Variants in MOB3B observed in about 807,000 individuals in gnomAD.
The protein encoded by MOB3B is MOB kinase activator-like 2B.
Under a neutral mutation model 18.7 loss-of-function variants are expected in MOB3B, and 7 were observed. The observed-to-expected ratio is 0.37, with a 90% CI of 0.21 to 0.70. MOB3B has a LOEUF of 0.70. Among genes scored for constraint, MOB3B ranks in the 30% least tolerant of loss-of-function variants. The pLI, the probability that MOB3B is intolerant of heterozygous loss-of-function variation, is 0.52. For missense variants in MOB3B, 253 were observed against 281.3 expected, an observed-to-expected ratio of 0.90 and a Z score of 0.72; for synonymous variants, 111 against 99.9, an observed-to-expected ratio of 1.11 and a Z score of -0.66.
intron 2 of MOB3B, among the ~76,000 whole-genome samples, chr9:27,418,992 T>C (rs1822198637): frequency 6.6e-6 from 1 of 150,726 alleles, no homozygotes; most frequent in Admixed American, 6.6e-5. Flanking sequence ...AATCAGTAGC[T>C]CTTCTATACA....
chr9:27,336,472 A>G (rs1474510815), intron 3 of MOB3B, among the ~76,000 whole-genome samples: 1 of 152,188 alleles, frequency 6.6e-6, no homozygotes, highest in East Asian at 1.9e-4. Flanking sequence ...GAAAAGCAGT[A>G]TGAAGAGATG....
At chr9:27,457,830 C>A (rs1005687838) in intron 1 of MOB3B, among the ~76,000 whole-genome samples, 2 of 152,068 alleles carry the variant, frequency 1.3e-5, no homozygotes, top group Non-Finnish European at 2.9e-5. Flanking sequence ...TGGAATAGCA[C>A]CTGTAAGGAT....
intron 2 of MOB3B, among the ~76,000 whole-genome samples, chr9:27,373,099 T>G (rs1394963670): frequency 6.6e-6 from 1 of 152,260 alleles, no homozygotes; most frequent in East Asian, 1.9e-4. Flanking sequence ...ACGTTTTGAT[T>G]TACGCACTAA....
intron 1 of MOB3B, among the ~76,000 whole-genome samples, chr9:27,499,469 T>C (rs1347688769): frequency 6.6e-6 from 1 of 152,246 alleles, no homozygotes; most frequent in African/African-American, 2.4e-5. Context: ...AAAGGAAATA[T>C]GTCAGGTTAA....
rs543868840 is a variant in MOB3B at position 27,502,854 on chromosome 9, T to C, written c.-199+26701A>G. On this transcript the variant is annotated intron_variant, in intron 1 of 3. Transcript: ENST00000262244. ...CAGGAAAGTAGGCAGGAATCTCTTTTTATCCAGGTTTTAGCCTAAGTGTTA... is the reference window on the plus strand; with the variant it reads ...CAGGAAAGTAGGCAGGAATCTCTTTCTATCCAGGTTTTAGCCTAAGTGTTA... 6.6e-5 allele frequency among the ~76,000 whole-genome samples: 10 copies of C among 152,346 alleles called. No individual in the cohort carries two copies. In the South Asian group the frequency reaches 2.1e-3, roughly 32 times the overall value.
chr9:27,342,369 G>T (rs866376081), intron 3 of MOB3B, among the ~76,000 whole-genome samples: 1 of 152,060 alleles, frequency 6.6e-6, no homozygotes, highest in African/African-American at 2.4e-5. Context: ...GTAGAAAAAC[G>T]CTTCTAAAAC....
chr9:27,492,278 CATT>C (rs1171784372), intron 1 of MOB3B, among the ~76,000 whole-genome samples: 3 of 152,050 alleles, frequency 2.0e-5, no homozygotes, highest in Non-Finnish European at 4.4e-5. Flanking sequence ...GGTTCACACT[CATT>C]ATAATGATCA....
intron 1 of MOB3B, among the ~76,000 whole-genome samples, chr9:27,456,191 G>A (rs1822868081): frequency 6.6e-6 from 1 of 152,158 alleles, no homozygotes; most frequent in South Asian, 2.1e-4. Context: ...ACACCAAGCT[G>A]GCTAATAAGA....
In MOB3B at chr9:27,437,547, G is replaced by A. The variant is rs566883963; in HGVS notation, c.418+17586C>T. Among the ~76,000 whole-genome samples, 25 of 152,076 alleles carry A rather than the reference G, an allele frequency of 1.6e-4. No individual in the cohort carries two copies. The East Asian group carries it at 3.9e-3, about 23-fold the overall frequency. Reference sequence around the variant, plus strand: ...ATTACTGGTCATTGATGAATATGACGAATATAATCTAGCTGATGGACATTA... The same window carrying A: ...ATTACTGGTCATTGATGAATATGACAAATATAATCTAGCTGATGGACATTA... On this transcript the variant is annotated intron_variant, in intron 2 of 3. Coordinates refer to ENST00000262244, the MANE Select transcript of MOB3B (RefSeq NM_024761.5).
At chr9:27,357,729 T>A (rs1821212245) in intron 3 of MOB3B, among the ~76,000 whole-genome samples, 1 of 151,700 alleles carries the variant, frequency 6.6e-6, no homozygotes, top group African/African-American at 2.4e-5. Flanking sequence ...GACAATCATC[T>A]GATCTGTTAG....
intron 2 of MOB3B, among the ~76,000 whole-genome samples, chr9:27,388,079 T>C (rs1429812188): frequency 6.6e-6 from 1 of 152,156 alleles, no homozygotes; most frequent in African/African-American, 2.4e-5. Context: ...CAGCCTCCCA[T>C]AGCAAAGAAT....
rs543151215 is a variant in MOB3B at position 27,528,607 on chromosome 9, C to T, written c.-199+948G>A. Among the ~76,000 whole-genome samples the T allele has an allele frequency of 1.4e-4, 21 of 152,326 alleles. No homozygotes were observed. The East Asian group carries it at 3.9e-3, about 28-fold the overall frequency. On this transcript the variant is annotated intron_variant, in intron 1 of 3. Coordinates refer to ENST00000262244, the MANE Select transcript of MOB3B (RefSeq NM_024761.5). ...CCCCTGCCGGAGCTGGCGTGGGGGC[C>T]GGGGAGGGGGACCAGAGGGGCTTCC...
In MOB3B at chr9:27,416,544, ATTTTTTT is replaced by A. The variant is rs559806304; in HGVS notation, c.418+38582_418+38588del. Among the ~76,000 whole-genome samples the A allele has an allele frequency of 4.5e-3, 549 of 121,414 alleles. 3 individuals carry two copies. Among genetic ancestry groups the A allele is most frequent in the African/African-American group, 7.6e-3 (257 of 33,944 alleles). 79.7% of individuals were successfully genotyped at this position (121,414 alleles called of 152,430 possible). ...GAACCCCTGGAGTAATTTCTTTTTAATTTTTTTTTTTTTTTTTTTTTTTTTTGAGATA... is the reference window on the plus strand; with the variant it reads ...GAACCCCTGGAGTAATTTCTTTTTAATTTTTTTTTTTTTTTTTTTGAGATA... On this transcript the variant is annotated intron_variant, in intron 2 of 3. Coordinates refer to ENST00000262244, the MANE Select transcript of MOB3B (RefSeq NM_024761.5).
chr9:27,330,515 G>A lies in MOB3B; in HGVS notation c.*72C>T, dbSNP rs1820770626. ...GTAGGTGTGTCATTTCAGCCAGGGT[G>A]GTCCACCTCCTGCCCGCTCAGGGCA... On this transcript the variant is annotated 3_prime_UTR_variant, in exon 4 of 4. Transcript: ENST00000262244. 1.2e-6 allele frequency: 2 copies of A among 1,605,674 alleles called. No homozygotes were observed. Among genetic ancestry groups the A allele is most frequent in the African/African-American group, 1.3e-5 (1 of 74,872 alleles).
chr9:27,394,546 T>C (rs1382862904), intron 2 of MOB3B, among the ~76,000 whole-genome samples: 1 of 152,116 alleles, frequency 6.6e-6, no homozygotes, highest in Non-Finnish European at 1.5e-5. Context: ...AGCCATTGGA[T>C]AAACTGTGTC....
intron 2 of MOB3B, among the ~76,000 whole-genome samples, chr9:27,395,453 T>A (rs1044169784): frequency 1.7e-4 from 26 of 150,340 alleles, no homozygotes; most frequent in African/African-American, 2.7e-4. Flanking sequence ...AATAGATTTT[T>A]TAAAAAAAAA....
chr9:27,404,483 G>A (rs773946614), intron 2 of MOB3B, among the ~76,000 whole-genome samples: 1 of 148,616 alleles, frequency 6.7e-6, no homozygotes, highest in Non-Finnish European at 1.5e-5. Context: ...TTGGCTTCCC[G>A]AGTAGCTGGC....
intron 2 of MOB3B, among the ~76,000 whole-genome samples, chr9:27,413,372 G>A (rs1244351331): frequency 1.9e-4 from 29 of 151,702 alleles, no homozygotes. Context: ...TATTAACTGA[G>A]AGTGACTAGA....
At chr9:27,403,349 C>T (rs535154293) in intron 2 of MOB3B, among the ~76,000 whole-genome samples, 7 of 152,168 alleles carry the variant, frequency 4.6e-5, no homozygotes, top group African/African-American at 1.7e-4. Context: ...AACATAGTTA[C>T]ACTTAGGAGA....
Sources: allele counts gnomAD v4.1 joint callset (sites outside exome capture counted in the v4.1 genomes callset), GRCh38; gene constraint gnomAD v4.1.1; transcripts MANE v1.5; gene names NCBI Gene and HGNC (gene_info 2026-07-23, HGNC 2026-07-21).